The following SLC30A6 variants were observed in gnomAD, a reference collection of about 807,000 sequenced individuals.
SLC30A6 encodes the protein zinc transporter 6.
A neutral mutation model predicts 63.0 loss-of-function variants in SLC30A6; 55 were observed. The observed-to-expected ratio is 0.87, with a 90% CI of 0.70 to 1.09. The LOEUF is 1.09. SLC30A6 is among the 50% of genes least tolerant of loss of function. The pLI, the probability that SLC30A6 is intolerant of heterozygous loss-of-function variation, is 0.00. For synonymous variants in SLC30A6, 224 were observed against 186.1 expected, an observed-to-expected ratio of 1.20 and a Z score of -1.66; for missense variants, 587 against 549.2, an observed-to-expected ratio of 1.07 and a Z score of -0.69.
intron 5 of SLC30A6, among the ~76,000 whole-genome samples, chr2:32,189,931 A>C (rs139642617): frequency 6.6e-6 from 1 of 151,868 alleles, no homozygotes; most frequent in Non-Finnish European, 1.5e-5. Flanking sequence ...AGGCCATTCT[A>C]TGGTATGCAG....
At chr2:32,166,007 C>T in intron 1 of SLC30A6, 104 bp downstream of exon 1, 2 of 1,523,610 alleles carry the variant, frequency 1.3e-6, no homozygotes, top group Non-Finnish European at 1.8e-6. Context: ...GAGGAGGGGT[C>T]ATTGGAGTTG....
At chr2:32,168,701 G>A (rs1379325527) in intron 1 of SLC30A6, among the ~76,000 whole-genome samples, 2 of 152,102 alleles carry the variant, frequency 1.3e-5, no homozygotes, top group East Asian at 1.9e-4. Context: ...AAGAGCTTGG[G>A]TTAGACAGAT....
intron 13 of SLC30A6, among the ~76,000 whole-genome samples, chr2:32,210,515 C>CAAAAA (rs3040860): frequency 7.0e-4 from 62 of 89,194 alleles, no homozygotes; most frequent in African/African-American, 1.7e-3. Flanking sequence ...ACTCTGTCTC[C>CAAAAA]AAAAAAAAAA....
chr2:32,219,233 C>T (rs1426365690), intron 13 of SLC30A6, among the ~76,000 whole-genome samples: 1 of 151,762 alleles, frequency 6.6e-6, no homozygotes, highest in East Asian at 1.9e-4. Flanking sequence ...GGGGTTTCAC[C>T]ATGTTGGTCA....
chr2:32,204,553 T>G (rs1684574803), intron 10 of SLC30A6, 37 bp from the exon 11 acceptor site: 7 of 1,410,664 alleles, frequency 5.0e-6, no homozygotes, highest in African/African-American at 2.8e-5. Context: ...CCCAGTGAGA[T>G]ATAAATTTAA....
chr2:32,168,782 A>G (rs189631920), intron 1 of SLC30A6, among the ~76,000 whole-genome samples: 14 of 152,324 alleles, frequency 9.2e-5, no homozygotes, highest in Non-Finnish European at 1.6e-4. Flanking sequence ...GAGGGTTTCT[A>G]TCTGGAGTAA....
chr2:32,186,848 T>C (rs1682865052), intron 5 of SLC30A6, among the ~76,000 whole-genome samples: 1 of 150,750 alleles, frequency 6.6e-6, no homozygotes, highest in African/African-American at 2.4e-5. Context: ...AATACAAAAA[T>C]ATGCTGGGTG....
intron 13 of SLC30A6, among the ~76,000 whole-genome samples, chr2:32,215,704 A>G (rs1685646418): frequency 6.6e-6 from 1 of 150,904 alleles, no homozygotes; most frequent in Admixed American, 6.6e-5. Flanking sequence ...TTTATATCTT[A>G]TTTTATTTTT....
intron 1 of SLC30A6, 42 bp from the exon 2 acceptor site, chr2:32,171,245 A>T: frequency 6.5e-7 from 1 of 1,534,380 alleles, no homozygotes. Flanking sequence ...TCTGAAGATG[A>T]TTAAATATCT....
chr2:32,172,784 C>T (rs1033837843), intron 2 of SLC30A6, among the ~76,000 whole-genome samples: 1 of 152,152 alleles, frequency 6.6e-6, no homozygotes, highest in Non-Finnish European at 1.5e-5. Context: ...TTCCAATTTC[C>T]TAGATGGCTG....
Position 32,221,841 on chromosome 2 carries a change from T to C in SLC30A6, c.*1128T>C, listed in dbSNP as rs1686162925. 6.6e-6 allele frequency: 1 copy of C among 152,248 alleles called. No homozygotes were observed. Among genetic ancestry groups the C allele is most frequent in the Non-Finnish European group, 1.5e-5 (1 of 68,048 alleles). The allele number at this position is 152,248 out of a possible 1,614,324, so 9.4% of individuals were successfully genotyped here. On this transcript the variant is annotated 3_prime_UTR_variant, in exon 14 of 14. Transcript: ENST00000282587. ...ATTTTCTATGTTACATTTAATCAAA[T>C]ACTGACATAATGAATTTATCTTTCC...
intron 13 of SLC30A6, among the ~76,000 whole-genome samples, chr2:32,219,493 G>C (rs1238579015): frequency 6.6e-6 from 1 of 151,878 alleles, no homozygotes; most frequent in Non-Finnish European, 1.5e-5. Context: ...GGAGTGCAGT[G>C]GTGCGATCTT....
chr2:32,191,496 T>C lies in SLC30A6; in HGVS notation c.285-840T>C, dbSNP rs116570196. ...AAATATTGAATACCATTAGACCATG[T>C]GTTGCAGGAAAAACTAAAACAACAG... On this transcript the variant is annotated intron_variant, in intron 5 of 13. Coordinates refer to ENST00000282587, the MANE Select transcript of SLC30A6 (RefSeq NM_017964.5). 3.7e-3 allele frequency among the ~76,000 whole-genome samples: 566 copies of C among 152,360 alleles called. 5 individuals carry two copies. The highest frequency in any genetic ancestry group is 0.013 in the African/African-American group (558 of 41,590).
At chr2:32,173,305 T>C (rs561049148) in intron 2 of SLC30A6, among the ~76,000 whole-genome samples, 2 of 152,266 alleles carry the variant, frequency 1.3e-5, no homozygotes, top group Non-Finnish European at 2.9e-5. Context: ...AAAATCTCTG[T>C]GTTGCCAAAA....
intron 10 of SLC30A6, among the ~76,000 whole-genome samples, chr2:32,200,962 G>T (rs1684241056): frequency 6.6e-6 from 1 of 152,094 alleles, no homozygotes; most frequent in Non-Finnish European, 1.5e-5. Flanking sequence ...ATCTATTCCT[G>T]ACCATTTGTG....
chr2:32,202,060 A>T, intron 10 of SLC30A6: 2 of 897,606 alleles, frequency 2.2e-6, no homozygotes, highest in Non-Finnish European at 3.4e-6. Flanking sequence ...AGATAGTTCT[A>T]CTCATGAATC....
intron 1 of SLC30A6, among the ~76,000 whole-genome samples, chr2:32,169,228 TAAAG>T (rs1680955249): frequency 6.6e-6 from 1 of 152,136 alleles, no homozygotes; most frequent in South Asian, 2.1e-4. Flanking sequence ...CAGGCTTGAG[TAAAG>T]TGTGAACCTG....
intron 1 of SLC30A6, among the ~76,000 whole-genome samples, chr2:32,169,238 A>C (rs12997026): frequency 6.6e-6 from 1 of 151,892 alleles, no homozygotes; most frequent in South Asian, 2.1e-4. Context: ...TAAAGTGTGA[A>C]CCTGGCTCAC....
At chr2:32,191,049 A>G (rs1015260503) in intron 5 of SLC30A6, among the ~76,000 whole-genome samples, 6 of 152,304 alleles carry the variant, frequency 3.9e-5, no homozygotes, top group Admixed American at 2.6e-4. Flanking sequence ...CACTATGTCA[A>G]TTATTGCAGC....
Sources: allele counts gnomAD v4.1 joint callset (sites outside exome capture counted in the v4.1 genomes callset), GRCh38; gene constraint gnomAD v4.1.1; transcripts MANE v1.5; gene names NCBI Gene and HGNC (gene_info 2026-07-23, HGNC 2026-07-21).